The following KIF1B variants were observed in gnomAD, a reference collection of about 807,000 sequenced individuals.
KIF1B encodes the protein kinesin family member 1B.
KIF1B carries 76 observed loss-of-function variants against 241.9 expected under a neutral mutation model. The ratio of observed to expected loss-of-function variants is 0.31; its 90% CI spans 0.26 to 0.38. The LOEUF (loss-of-function observed/expected upper bound fraction) is 0.38. Among genes scored for constraint, KIF1B ranks in the 10% least tolerant of loss-of-function variants. The probability of loss-of-function intolerance (pLI) is 1.00; values close to 1 mark genes in which losing one functional copy is unlikely to be tolerated. For synonymous variants in KIF1B, 750 were observed against 796.7 expected (o/e 0.94, Z 0.99); for missense variants, 1,622 against 2,271.4 (o/e 0.71, Z 5.81).
intron 15 of KIF1B, among the ~76,000 whole-genome samples, chr1:10,288,093 T>C (rs972304169): frequency 6.6e-6 from 1 of 152,142 alleles, no homozygotes; most frequent in African/African-American, 2.4e-5. Flanking sequence ...TATTTGCCTA[T>C]TTAAAATCAT....
At chr1:10,273,428 C>T (rs1648910267) in intron 10 of KIF1B, among the ~76,000 whole-genome samples, 1 of 152,032 alleles carries the variant, frequency 6.6e-6, no homozygotes, top group Non-Finnish European at 1.5e-5. Flanking sequence ...GTAGCGCGTG[C>T]CCATAGTGTC....
chr1:10,315,171 CTTTTTTTTTTTT>C lies in KIF1B; in HGVS notation c.2116-4857_2116-4846del, dbSNP rs765236286. On this transcript the variant is annotated intron_variant, in intron 22 of 48. Coordinates refer to ENST00000676179, the MANE Select transcript of KIF1B (RefSeq NM_001365951.3). The stretch of plus-strand genomic sequence containing the variant: ...CTTATCTCTTAAAATCAAGAATATT[CTTTTTTTTTTTT>C]TTTTTTTTTTTTTTAAGACGGAGTC... 1.0e-4 allele frequency among the ~76,000 whole-genome samples: 8 copies of C among 80,042 alleles called. 2 individuals carry two copies. The highest frequency in any genetic ancestry group is 3.8e-4 in the East Asian group (1 of 2,666). 52.5% of individuals were successfully genotyped at this position (80,042 alleles called of 152,430 possible).
At chr1:10,255,039 C>T (rs1647697374) in intron 2 of KIF1B, among the ~76,000 whole-genome samples, 1 of 151,988 alleles carries the variant, frequency 6.6e-6, no homozygotes, top group Non-Finnish European at 1.5e-5. Flanking sequence ...ACCTCTGCCT[C>T]CCGGGTTCAA....
intron 23 of KIF1B, 40 bp from the exon 24 acceptor site, chr1:10,321,669 T>A: frequency 6.2e-7 from 1 of 1,606,998 alleles, no homozygotes; most frequent in Non-Finnish European, 8.5e-7. Flanking sequence ...TTTATATAGT[T>A]GTAAGATTGC....
chr1:10,232,679 A>T (rs1157321248), intron 2 of KIF1B, among the ~76,000 whole-genome samples: 2 of 152,342 alleles, frequency 1.3e-5, no homozygotes, highest in South Asian at 2.1e-4. Context: ...GCAAGTGTTT[A>T]TGCTTATTAA....
chr1:10,218,369 G>A (rs1362832588), intron 1 of KIF1B, among the ~76,000 whole-genome samples: 1 of 151,326 alleles, frequency 6.6e-6, no homozygotes, highest in East Asian at 1.9e-4. Context: ...TGAAACTGCT[G>A]TTTTTCTGGC....
At position 10,375,328 on chromosome 1, in the gene KIF1B, A is replaced by G. The variant is rs1378725715; in HGVS notation, c.5363A>G (p.Asn1788Ser). 1 of 1,614,160 alleles carries G rather than the reference A, an allele frequency of 6.2e-7. No individual in the cohort carries two copies. The highest frequency in any genetic ancestry group is 8.5e-7 in the Non-Finnish European group (1 of 1,180,030). Residue 1788 changes from asparagine (N) to serine (S), a missense_variant, in exon 48 of 49, where the codon AAC (asparagine) becomes AGC (serine). Coordinates refer to ENST00000676179, the MANE Select transcript of KIF1B (RefSeq NM_001365951.3). ...CAGGCCCTCAATGACAAAGACATGA[A>G]CGACTGGTTGTATGCCTTCAACCCA... is the stretch of plus-strand genomic sequence containing the variant. ...LLQALNDKDM[N>S]DWLYAFNPLL... is the part of the protein sequence containing the mutation.
chr1:10,308,463 A>G (rs936424255), intron 22 of KIF1B: 23 of 1,038,432 alleles, frequency 2.2e-5, no homozygotes, highest in African/African-American at 6.7e-5. Context: ...TCCCCTCTCA[A>G]TTTCTTAAAC....
chr1:10,352,801 T>C, intron 38 of KIF1B, 65 bp downstream of exon 38: 4 of 1,148,216 alleles, frequency 3.5e-6, no homozygotes, highest in Non-Finnish European at 3.9e-6. Context: ...CACCGTTAGG[T>C]GCCTTATTCA....
At chr1:10,329,157 G>T (rs1329810313) in intron 27 of KIF1B, among the ~76,000 whole-genome samples, 1 of 152,176 alleles carries the variant, frequency 6.6e-6, no homozygotes, top group Non-Finnish European at 1.5e-5. Flanking sequence ...CTCAGGAATT[G>T]ATTTTTCCAT....
intron 2 of KIF1B, among the ~76,000 whole-genome samples, chr1:10,253,938 C>T (rs1403267592): frequency 6.6e-6 from 1 of 152,214 alleles, no homozygotes; most frequent in African/African-American, 2.4e-5. Flanking sequence ...ACCGTAGCAA[C>T]TGTTGCTATT....
In KIF1B at chr1:10,275,358, C is replaced by T. The variant is rs184200471; in HGVS notation, c.883-70C>T. 3.7e-5 allele frequency: 30 copies of T among 819,332 alleles called. No individual in the cohort carries two copies. The African/African-American group carries it at 4.7e-4, about 13-fold the overall frequency. 50.8% of individuals were successfully genotyped at this position (819,332 alleles called of 1,614,324 possible). A position where few individuals can be genotyped will look rare whatever the true frequency, so the allele number is the denominator to read the frequency against. On this transcript the variant is annotated intron_variant, in intron 10 of 48. Transcript: ENST00000676179. ...ATTTAATTTACTTGGGAATTTTAGA[C>T]TGATTTGCCTTTCTTGGGAATTTTT... is the stretch of plus-strand genomic sequence containing the variant.
chr1:10,300,042 G>T (rs754600735), intron 22 of KIF1B, among the ~76,000 whole-genome samples: 1 of 151,914 alleles, frequency 6.6e-6, no homozygotes, highest in South Asian at 2.1e-4. Context: ...TTCGAGACCA[G>T]CCTGGCCAAC....
In KIF1B at chr1:10,326,440, A is replaced by G; in HGVS notation, c.2924+81A>G. On this transcript the variant is annotated intron_variant, in intron 27 of 48. Coordinates refer to ENST00000676179, the MANE Select transcript of KIF1B (RefSeq NM_001365951.3). This position sits in a 1 kb window ranked among gnomAD's most constrained non-coding sequence, Gnocchi z 5.2. ...CTCCCTGCTTGCACAATTTTGGATAACCTTGCATTAGCCAATTCAACTCAT... is the reference window on the plus strand; with the variant it reads ...CTCCCTGCTTGCACAATTTTGGATAGCCTTGCATTAGCCAATTCAACTCAT... 1 of 1,571,702 alleles carries G rather than the reference A, an allele frequency of 6.4e-7. No individual in the cohort carries two copies. The highest frequency in any genetic ancestry group is 8.7e-7 in the Non-Finnish European group (1 of 1,146,772).
rs1191359732 is a variant in KIF1B at position 10,380,357 on chromosome 1, G to C, written c.*3770G>C. On this transcript the variant is annotated 3_prime_UTR_variant, in exon 49 of 49. Transcript: ENST00000676179. ...ACAGTATCAGGGCTTGTTTGACTTAGGTCTTTCAGTTTTCCTTTCGGTTCC... is the reference window on the plus strand; with the variant it reads ...ACAGTATCAGGGCTTGTTTGACTTACGTCTTTCAGTTTTCCTTTCGGTTCC... The C allele has an allele frequency of 4.9e-6, 1 of 203,746 alleles. No homozygotes were observed. Among genetic ancestry groups the C allele is most frequent in the Non-Finnish European group, 1.0e-5 (1 of 99,202 alleles). The allele number at this position is 203,746 out of a possible 1,614,324, so 12.6% of individuals were successfully genotyped here.
intron 2 of KIF1B, among the ~76,000 whole-genome samples, chr1:10,238,699 C>T (rs1455214399): frequency 7.1e-6 from 1 of 140,978 alleles, no homozygotes; most frequent in East Asian, 2.1e-4. Context: ...ATTGAGACCC[C>T]ATCCAAAAAC....
At chr1:10,284,854 T>TC (rs1649610615) in intron 15 of KIF1B, among the ~76,000 whole-genome samples, 1 of 150,922 alleles carries the variant, frequency 6.6e-6, no homozygotes. Flanking sequence ...AGAGTGAGAC[T>TC]CCATCTCAAA....
intron 27 of KIF1B, among the ~76,000 whole-genome samples, chr1:10,328,813 C>G (rs1347024397): frequency 6.6e-6 from 1 of 152,206 alleles, no homozygotes; most frequent in Admixed American, 6.5e-5. Context: ...TGACAAGCAA[C>G]TTAAAGTGAA....
Position 10,336,781 on chromosome 1 carries a change from GAGAA to G in KIF1B, c.3129+44_3129+47del, listed in dbSNP as rs1057305865. On this transcript the variant is annotated intron_variant, in intron 29 of 48. Transcript: ENST00000676179. ...AGGAAGAAGGAAAACCCTGTGGAAA[GAGAA>G]AGAATGTTCAGCATTGGAGATCAGT... The G allele has an allele frequency of 1.6e-5, 24 of 1,540,594 alleles. 3 individuals carry two copies. The Admixed American group carries it at 3.2e-4, about 20-fold the overall frequency.
Sources: gnomAD v4.1 joint callset for allele counts (sites outside exome capture counted in the v4.1 genomes callset) on GRCh38, gnomAD v4.1.1 for gene constraint, Gnocchi (gnomAD v3.1) non-coding constraint, MANE v1.5 for transcripts, NCBI Gene and HGNC (gene_info 2026-07-23, HGNC 2026-07-21) for gene names.